MAN2A2: variants seen among roughly 807,000 people sequenced by gnomAD.
MAN2A2 encodes mannosidase alpha class 2A member 2, also known as alpha-mannosidase 2x.
MAN2A2 carries 79 observed loss-of-function variants against 126.8 expected under a neutral mutation model. The ratio of observed to expected loss-of-function variants is 0.62; its 90% CI spans 0.52 to 0.75. MAN2A2 has a LOEUF of 0.75. Ranked by LOEUF, MAN2A2 falls within the 30% of genes least tolerant of loss-of-function variation. MAN2A2 has a pLI of 0.00. For synonymous variants in MAN2A2, 671 were observed against 618.7 expected, an observed-to-expected ratio of 1.08 and a Z score of -1.25; for missense variants, 1,392 against 1,522.4, an observed-to-expected ratio of 0.91 and a Z score of 1.43.
Position 90,907,300 on chromosome 15 carries a change from C to A in MAN2A2, c.1010-9C>A, listed in dbSNP as rs768432254. ...TGCTGGTGGTGACCACGTGGTGTGT[C>A]TCCTGCAGACTCGGACTCCAGCACA... On this transcript the variant is annotated splice_polypyrimidine_tract_variant and intron_variant, in intron 7 of 22. Coordinates refer to ENST00000559717, the MANE Select transcript of MAN2A2 (RefSeq NM_006122.4). The A allele has an allele frequency of 6.2e-6, 10 of 1,611,974 alleles. No individual in the cohort carries two copies. In the East Asian group the frequency reaches 2.0e-4, roughly 32 times the overall value.
intron 19 of MAN2A2, 148 bp downstream of exon 19, chr15:90,913,903 C>T: frequency 9.0e-7 from 1 of 1,111,220 alleles, no homozygotes; most frequent in South Asian, 1.7e-5. Flanking sequence ...CCATTCAGAG[C>T]TCTTGGCACA....
intron 11 of MAN2A2, 60 bp from the exon 12 acceptor site, chr15:90,910,787 C>G (rs944626255): frequency 3.4e-5 from 55 of 1,598,806 alleles, no homozygotes; most frequent in Admixed American, 1.7e-5. Context: ...GTCCTGCTGA[C>G]AAGGCAGACA....
intron 12 of MAN2A2, 74 bp from the exon 13 acceptor site, chr15:90,911,097 C>T (rs1201923627): frequency 3.2e-6 from 5 of 1,549,224 alleles, no homozygotes; most frequent in African/African-American, 2.7e-5. Context: ...GCCGCTGGTC[C>T]ACACCTGGGA....
chr15:90,909,605 C>CTT (rs147151470), intron 9 of MAN2A2, 101 bp downstream of exon 9: 7,312 of 840,740 alleles, frequency 8.7e-3, no homozygotes, highest in East Asian at 0.036. Context: ...GGGTGCCCCC[C>CTT]TTTTTTTTTT....
intron 22 of MAN2A2, 55 bp from the exon 23 acceptor site, chr15:90,919,580 A>G (rs2035442945): frequency 8.8e-6 from 14 of 1,593,562 alleles, no homozygotes; most frequent in Non-Finnish European, 1.1e-5. Context: ...GAACAGCCAC[A>G]TTCTTTAGTG....
Position 90,910,562 on chromosome 15 carries a change from C to T in MAN2A2, c.1639C>T (p.Arg547Trp), listed in dbSNP as rs749129932. ...CGCTCGCCGCTCTGGTCTGGCTGGC[C>T]GGTACCCACTGTCTGATTTCACCCT... Reference protein sequence around the residue: ...AHARRSGLAGRYPLSDFTLLT... With the variant: ...AHARRSGLAGWYPLSDFTLLT... The change falls in exon 11 of 23, where the codon CGG becomes TGG. Residue 547 changes from arginine (R) to tryptophan (W), a missense_variant. Arg to Trp is a moderately radical substitution (Grantham distance 101, BLOSUM62 -3). Transcript: ENST00000559717. The T allele has an allele frequency of 9.3e-6, 15 of 1,614,006 alleles. No homozygotes were observed. Among genetic ancestry groups the T allele is most frequent in the African/African-American group, 5.3e-5 (4 of 74,916 alleles).
intron 19 of MAN2A2, among the ~76,000 whole-genome samples, chr15:90,914,511 C>T (rs891992000): frequency 3.3e-5 from 5 of 152,104 alleles, no homozygotes; most frequent in Admixed American, 2.6e-4. Flanking sequence ...GACAGACTGA[C>T]GTTCTTTTTT....
At chr15:90,907,723 C>T (rs1283952266) in intron 8 of MAN2A2, among the ~76,000 whole-genome samples, 1 of 152,228 alleles carries the variant, frequency 6.6e-6, no homozygotes, top group African/African-American at 2.4e-5. Context: ...AACAAACTGC[C>T]AGGGCCAGCT....
intron 2 of MAN2A2, among the ~76,000 whole-genome samples, 197 bp downstream of exon 2, chr15:90,904,536 G>GA (rs11459251): frequency 0.54 from 81,872 of 150,906 alleles, 25,190 homozygotes; most frequent in East Asian, 0.97. Context: ...AAGGAAGGAA[G>GA]AAAAAATGTC....
In MAN2A2 at chr15:90,910,522, C is replaced by A; in HGVS notation, c.1599C>A (p.Ser533Arg). 1 of 1,613,994 alleles carries A rather than the reference C, an allele frequency of 6.2e-7. No homozygotes were observed. Among genetic ancestry groups the A allele is most frequent in the South Asian group, 1.1e-5 (1 of 91,090 alleles). The change falls in exon 11 of 23, where the codon AGC becomes AGA. Residue 533 changes from serine (S) to arginine (R), a missense_variant. Ser to Arg is a moderately radical substitution (Grantham distance 110). Transcript: ENST00000559717. Reference protein sequence around the residue: ...AHLRGAEVLYSLAAAHARRSG... With the variant: ...AHLRGAEVLYRLAAAHARRSG... ...GCAGGGGGGCAGAGGTTCTGTACAG[C>A]CTGGCTGCAGCTCACGCTCGCCGCT...
At chr15:90,915,326 G>GC (rs1435463304) in intron 19 of MAN2A2, 1 of 152,196 alleles carries the variant, frequency 6.6e-6, no homozygotes, top group African/African-American at 2.4e-5. Context: ...GGAGAATAAG[G>GC]CCATCTGTCC....
chr15:90,907,050 A>T, intron 7 of MAN2A2, 137 bp downstream of exon 7: 1 of 1,161,912 alleles, frequency 8.6e-7, no homozygotes, highest in Non-Finnish European at 1.2e-6. Flanking sequence ...AAATGGTCGC[A>T]CCCTCTGGTT....
At position 90,911,247 on chromosome 15, in the gene MAN2A2, G is replaced by T. The variant is rs1430850915; in HGVS notation, c.1943+9G>T. The T allele has an allele frequency of 6.2e-7, 1 of 1,613,986 alleles. No homozygotes were observed. Among genetic ancestry groups the T allele is most frequent in the Non-Finnish European group, 8.5e-7 (1 of 1,179,966 alleles). On this transcript the variant is annotated intron_variant, in intron 13 of 22. Transcript: ENST00000559717. ...CTGGATTCCTCGCCCAGGTAACCTG[G>T]ACTACGCCATGTGCAGAGAGGCAGA...
intron 20 of MAN2A2, 118 bp from the exon 21 acceptor site, chr15:90,918,076 A>T: frequency 1.0e-6 from 1 of 952,426 alleles, no homozygotes; most frequent in Non-Finnish European, 1.6e-6. Context: ...CCTTGAGTCC[A>T]GGCACACCAG....
In MAN2A2 at chr15:90,910,966, GC is replaced by G; in HGVS notation, c.1875+9del. 6.2e-6 allele frequency: 10 copies of G among 1,611,640 alleles called. No homozygotes were observed. The highest frequency in any genetic ancestry group is 8.5e-6 in the Non-Finnish European group (10 of 1,177,932). ...GAGGCGCCCTTCCTCCAAGTGGTGA[GC>G]CCCTCCTGGGTCTGCATGGGGACCC... On this transcript the variant is annotated splice_donor_region_variant and intron_variant, in intron 12 of 22. Coordinates refer to ENST00000559717, the MANE Select transcript of MAN2A2 (RefSeq NM_006122.4).
At position 90,912,663 on chromosome 15, in the gene MAN2A2, A is replaced by G. The variant is rs2034848841; in HGVS notation, c.2468A>G (p.Lys823Arg). ...CTCTTCCTGCCCGATGGCGAGGCCA[A>G]GGTATCCTAAAGATGCCTTGAACAA... Reference protein sequence around the residue: ...AYLFLPDGEAKPYVPKEPPVL... With the variant: ...AYLFLPDGEARPYVPKEPPVL... Residue 823 changes from lysine (K) to arginine (R), a missense_variant and splice_region_variant, in exon 16 of 23, where the codon AAG (lysine) becomes AGG (arginine). Lys to Arg is a conservative substitution (Grantham distance 26, BLOSUM62 2). Transcript: ENST00000559717. The G allele has an allele frequency of 1.2e-6, 2 of 1,613,946 alleles. No homozygotes were observed. Among genetic ancestry groups the G allele is most frequent in the Admixed American group, 1.7e-5 (1 of 60,002 alleles).
At chr15:90,911,309 T>C in intron 13 of MAN2A2, 71 bp downstream of exon 13, 4 of 1,612,954 alleles carry the variant, frequency 2.5e-6, no homozygotes, top group Non-Finnish European at 3.4e-6. Context: ...TGCCCCAGCA[T>C]GTGCTGAACC....
In MAN2A2 at chr15:90,911,539, G is replaced by A; in HGVS notation, c.2098G>A (p.Asp700Asn). 6.2e-7 allele frequency: 1 copy of A among 1,612,188 alleles called. No homozygotes were observed. Among genetic ancestry groups the A allele is most frequent in the Non-Finnish European group, 8.5e-7 (1 of 1,179,330 alleles). ...HWSSATEAVPDVYQVSVPVRL... is the reference protein window; with the variant it reads ...HWSSATEAVPNVYQVSVPVRL... Reference sequence around the variant, plus strand: ...GAGCTCTGCCACCGAGGCGGTCCCTGACGTCTACCAGGTGAGGTGTGGGCT... The same window carrying A: ...GAGCTCTGCCACCGAGGCGGTCCCTAACGTCTACCAGGTGAGGTGTGGGCT... The change falls in exon 14 of 23, where the codon GAC becomes AAC. Residue 700 changes from aspartate (D) to asparagine (N), a missense_variant. Transcript: ENST00000559717.
intron 5 of MAN2A2, 146 bp from the exon 6 acceptor site, chr15:90,906,224 A>C: frequency 7.7e-7 from 1 of 1,300,722 alleles, no homozygotes; most frequent in Admixed American, 2.1e-5. Flanking sequence ...GGCTGTAAGG[A>C]AAGGAGGGCA....
Sources: gnomAD v4.1 joint callset for allele counts (sites outside exome capture counted in the v4.1 genomes callset) on GRCh38, gnomAD v4.1.1 for gene constraint, MANE v1.5 for transcripts, NCBI Gene and HGNC (gene_info 2026-07-23, HGNC 2026-07-21) for gene names.